Variants in MTFR1 observed in about 807,000 individuals in gnomAD.
MTFR1 encodes the protein mitochondrial fission regulator 1, also known as chondrocyte protein with a poly-proline region.
MTFR1 carries 28 observed loss-of-function variants against 38.8 expected under a neutral mutation model. The ratio of observed to expected loss-of-function variants is 0.72; its 90% CI spans 0.53 to 0.99. MTFR1 has a LOEUF of 0.99. MTFR1 is among the 50% of genes least tolerant of loss of function. The pLI is 0.00. For synonymous variants in MTFR1, 145 were observed against 137.0 expected (o/e 1.06, Z -0.41); for missense variants, 358 against 395.5 (o/e 0.91, Z 0.81).
At chr8:65,740,691 A>G (rs951375602) in intron 3 of MTFR1, among the ~76,000 whole-genome samples, 4 of 152,028 alleles carry the variant, frequency 2.6e-5, no homozygotes, top group Non-Finnish European at 4.4e-5. Context: ...GTGAGCTACC[A>G]CGCCTGGCCA....
chr8:65,762,958 G>A (rs1469317542), intron 3 of MTFR1, among the ~76,000 whole-genome samples: 1 of 151,374 alleles, frequency 6.6e-6, no homozygotes, highest in Non-Finnish European at 1.5e-5. Context: ...GCAACATAGT[G>A]AGCCTCCATC....
At chr8:65,706,656 G>A (rs1256254115) in intron 5 of MTFR1, among the ~76,000 whole-genome samples, 2 of 152,126 alleles carry the variant, frequency 1.3e-5, no homozygotes, top group South Asian at 2.1e-4. Flanking sequence ...ATACTAAATT[G>A]TCAAATTGTA....
chr8:65,733,763 G>A (rs1045191139), intron 3 of MTFR1, among the ~76,000 whole-genome samples: 2 of 152,058 alleles, frequency 1.3e-5, no homozygotes, highest in African/African-American at 4.8e-5. Context: ...ACTAAAAAAC[G>A]GGCATTTTCA....
chr8:65,745,808 A>C (rs1053584258), intron 3 of MTFR1, among the ~76,000 whole-genome samples: 27 of 152,356 alleles, frequency 1.8e-4, no homozygotes, highest in African/African-American at 6.5e-4. Flanking sequence ...TATGGTTTAG[A>C]AACTAAATTG....
chr8:65,684,920 C>T (rs1403348695), intron 3 of MTFR1, among the ~76,000 whole-genome samples: 2 of 152,052 alleles, frequency 1.3e-5, no homozygotes, highest in Non-Finnish European at 2.9e-5. Flanking sequence ...AGGAGAATGG[C>T]TTGAACCTGG....
downstream of MTFR1, among the ~76,000 whole-genome samples, chr8:65,713,742 G>A (rs964298091): frequency 3.9e-5 from 6 of 152,152 alleles, no homozygotes; most frequent in Non-Finnish European, 5.9e-5. Flanking sequence ...GGAGTGCAGT[G>A]GCACAATGTC....
intron 4 of MTFR1, among the ~76,000 whole-genome samples, chr8:65,703,222 A>G (rs530277506): frequency 2.0e-5 from 3 of 151,664 alleles, no homozygotes; most frequent in East Asian, 3.9e-4. Flanking sequence ...TAAAAAAAAG[A>G]GAAAAGAAAA....
downstream of MTFR1, among the ~76,000 whole-genome samples, chr8:65,772,406 C>T (rs1368040455): frequency 1.3e-5 from 2 of 152,206 alleles, no homozygotes; most frequent in Non-Finnish European, 2.9e-5. Flanking sequence ...GGTTTAAACA[C>T]ATCCTGCAAG....
At chr8:65,735,788 G>A (rs1163529964) in intron 3 of MTFR1, among the ~76,000 whole-genome samples, 2 of 152,020 alleles carry the variant, frequency 1.3e-5, no homozygotes, top group Non-Finnish European at 2.9e-5. Flanking sequence ...ATCATGCTCG[G>A]CTAATTTTTG....
chr8:65,759,273 C>G (rs999305), intron 3 of MTFR1, among the ~76,000 whole-genome samples: 65,243 of 152,054 alleles, frequency 0.43, 15,842 homozygotes, highest in African/African-American at 0.65. Flanking sequence ...GGGTGAGGGG[C>G]TCAGGACAGT....
At chr8:65,708,443 G>T in intron 7 of MTFR1, 1 of 295,946 alleles carries the variant, frequency 3.4e-6, no homozygotes, top group Non-Finnish European at 6.5e-6. Context: ...TTTCTCTCAG[G>T]GCACCCTGTG....
chr8:65,739,524 C>A, intron 3 of MTFR1: 1 of 1,566,984 alleles, frequency 6.4e-7, no homozygotes, highest in Non-Finnish European at 8.6e-7. Context: ...GAAGTTTCAT[C>A]ATATCTAAAT....
At chr8:65,746,018 C>T (rs1807658224) in intron 3 of MTFR1, among the ~76,000 whole-genome samples, 1 of 151,956 alleles carries the variant, frequency 6.6e-6, no homozygotes. Flanking sequence ...GCAGCCATGA[C>T]CTCCTGGGCT....
At chr8:65,762,240 C>T (rs1783282750) in intron 3 of MTFR1, among the ~76,000 whole-genome samples, 1 of 152,110 alleles carries the variant, frequency 6.6e-6, no homozygotes, top group Non-Finnish European at 1.5e-5. Context: ...CTTGATTTCC[C>T]TCAAAAAGAA....
In MTFR1 at chr8:65,726,796, T is replaced by G. The variant is rs1000888906; in HGVS notation, c.*48+7315T>G. The G allele has an allele frequency of 1.3e-5, 10 of 760,224 alleles. No homozygotes were observed. The South Asian group carries it at 1.7e-4, about 13-fold the overall frequency. The allele number at this position is 760,224 out of a possible 1,614,324, so 47.1% of individuals were successfully genotyped here. A position where few individuals can be genotyped will look rare whatever the true frequency, so the allele number is the denominator to read the frequency against. On this transcript the variant is annotated intron_variant, in intron 3 of 3. Coordinates refer to the MTFR1 transcript ENST00000521247. The stretch of plus-strand genomic sequence containing the variant: ...TGTGGAACACCTGAACATAACAATT[T>G]TTAAAACTTTATAAAATTACTTTGC...
chr8:65,708,400 G>C (rs1396862374), intron 7 of MTFR1: 1 of 312,146 alleles, frequency 3.2e-6, no homozygotes, highest in Non-Finnish European at 6.1e-6. Context: ...TGTATATTTT[G>C]TGACATAGAA....
At chr8:65,762,112 T>A (rs950382234) in intron 3 of MTFR1, among the ~76,000 whole-genome samples, 4 of 152,164 alleles carry the variant, frequency 2.6e-5, no homozygotes, top group African/African-American at 9.7e-5. Context: ...TTGTTTAAAA[T>A]TTTTTTAATT....
intron 3 of MTFR1, among the ~76,000 whole-genome samples, chr8:65,768,921 AT>A (rs1808935019): frequency 6.6e-6 from 1 of 152,122 alleles, no homozygotes; most frequent in South Asian, 2.1e-4. Flanking sequence ...ATCTGAGGAA[AT>A]TTTTTTATTC....
chr8:65,703,971 T>G (rs972217485), intron 4 of MTFR1, among the ~76,000 whole-genome samples: 2 of 152,030 alleles, frequency 1.3e-5, no homozygotes, highest in Non-Finnish European at 2.9e-5. Flanking sequence ...TCGAGTACTT[T>G]GGGAGGCCAA....
Sources: gnomAD v4.1 joint callset for allele counts (sites outside exome capture counted in the v4.1 genomes callset) on GRCh38, gnomAD v4.1.1 for gene constraint, MANE v1.5 for transcripts, NCBI Gene and HGNC (gene_info 2026-07-23, HGNC 2026-07-21) for gene names.